LINGO2: variants seen among roughly 807,000 people sequenced by gnomAD.
LINGO2 encodes leucine rich repeat and Ig domain containing 2, also known as leucine-rich repeat and immunoglobulin-like domain-containing nogo receptor-interacting protein 2.
In LINGO2, 14 loss-of-function variants were observed where a neutral mutation model predicts 30.6. The ratio of observed to expected loss-of-function variants is 0.46; its 90% CI spans 0.30 to 0.72. LINGO2 has a LOEUF of 0.72. Among genes scored for constraint, LINGO2 ranks in the 30% least tolerant of loss-of-function variants. The pLI, the probability that LINGO2 is intolerant of heterozygous loss-of-function variation, is 0.07. For synonymous variants in LINGO2, 317 were observed against 288.5 expected, an observed-to-expected ratio of 1.10 and a Z score of -1.00; for missense variants, 729 against 751.7, an observed-to-expected ratio of 0.97 and a Z score of 0.35.
At chr9:29,038,688 A>AC in the LINGO2 span, among the ~76,000 whole-genome samples, 3 of 151,802 alleles carry the variant, frequency 2.0e-5, no homozygotes, top group East Asian at 5.8e-4. Flanking sequence ...AAAAAAAAAA[A>AC]AAACATGAAA....
At chr9:28,427,945 A>C (rs1436610373) in intron 2 of LINGO2, among the ~76,000 whole-genome samples, 1 of 152,170 alleles carries the variant, frequency 6.6e-6, no homozygotes, top group Non-Finnish European at 1.5e-5. Context: ...TGAAATCATC[A>C]AATTACATTC....
chr9:27,953,883 A>G (rs1219874375), intron 5 of LINGO2, among the ~76,000 whole-genome samples: 1 of 152,194 alleles, frequency 6.6e-6, no homozygotes, highest in African/African-American at 2.4e-5. Context: ...TATAAATATG[A>G]ATATACATAC....
At chr9:28,451,740 G>A (rs369762378) in intron 2 of LINGO2, among the ~76,000 whole-genome samples, 1 of 151,524 alleles carries the variant, frequency 6.6e-6, no homozygotes, top group Non-Finnish European at 1.5e-5. Context: ...GAATATTTTG[G>A]TGTTATATCT....
In LINGO2 at chr9:28,481,948, T is replaced by C. The variant is rs186950588; in HGVS notation, c.-364-5923A>G. Among the ~76,000 whole-genome samples, 1,445 of 152,276 alleles carry C rather than the reference T, an allele frequency of 9.5e-3. 23 individuals are homozygous for C. Among genetic ancestry groups the C allele is most frequent in the African/African-American group, 0.033 (1,358 of 41,540 alleles). ...TTCATCCATGTCCCTACAGAAGACATGAACTCATCATTTTTTATGGCTGCA... is the reference window on the plus strand; with the variant it reads ...TTCATCCATGTCCCTACAGAAGACACGAACTCATCATTTTTTATGGCTGCA... On this transcript the variant is annotated intron_variant, in intron 1 of 5. Transcript: ENST00000379992.
chr9:28,749,031 C>CA, the LINGO2 span, among the ~76,000 whole-genome samples: 1 of 151,816 alleles, frequency 6.6e-6, no homozygotes. Context: ...TAAAAATATG[C>CA]AAAAATAATA....
chr9:28,587,794 C>T (rs556725206), intron 1 of LINGO2, among the ~76,000 whole-genome samples: 36 of 152,070 alleles, frequency 2.4e-4, no homozygotes, highest in African/African-American at 8.2e-4. Flanking sequence ...GAGTTACATA[C>T]ACCACATGTG....
At chr9:28,747,032 T>C in the LINGO2 span, among the ~76,000 whole-genome samples, 1 of 151,874 alleles carries the variant, frequency 6.6e-6, no homozygotes, top group South Asian at 2.1e-4. Context: ...AGCCCCACCT[T>C]CAAGCCTGGA....
chr9:28,289,371 T>A lies in LINGO2; in HGVS notation c.-87+5837A>T, dbSNP rs188379546. ...AATCATATATTTGTACACAGAAAAG[T>A]GGAATGGACTGTCTCTGTACATCCT... On this transcript the variant is annotated intron_variant, in intron 4 of 5. Coordinates refer to ENST00000379992, the Ensembl canonical transcript of LINGO2. 2.7e-3 allele frequency among the ~76,000 whole-genome samples: 413 copies of A among 152,292 alleles called. 4 individuals carry two copies. The highest frequency in any genetic ancestry group is 4.3e-3 in the Admixed American group (65 of 15,294).
chr9:28,327,651 C>G (rs536894803), intron 3 of LINGO2, among the ~76,000 whole-genome samples: 4 of 152,286 alleles, frequency 2.6e-5, no homozygotes, highest in Admixed American at 2.6e-4. Flanking sequence ...AATAAGCACA[C>G]TTGTTTTTGT....
chr9:28,031,834 G>A (rs546412213), intron 4 of LINGO2, among the ~76,000 whole-genome samples: 3 of 152,300 alleles, frequency 2.0e-5, no homozygotes, highest in South Asian at 2.1e-4. Context: ...AGAGATATTA[G>A]TGATTCTATT....
chr9:28,089,832 A>T (rs547678154), intron 4 of LINGO2, among the ~76,000 whole-genome samples: 1 of 152,350 alleles, frequency 6.6e-6, no homozygotes, highest in East Asian at 1.9e-4. Context: ...ACTAATAAAA[A>T]GAAAAGAGAG....
the LINGO2 span, among the ~76,000 whole-genome samples, chr9:28,691,912 T>A: frequency 6.6e-6 from 1 of 152,056 alleles, no homozygotes; most frequent in Non-Finnish European, 1.5e-5. Context: ...TAACTCCATA[T>A]AACAATTAGT....
the LINGO2 span, among the ~76,000 whole-genome samples, chr9:28,897,643 C>T: frequency 6.6e-6 from 1 of 152,030 alleles, no homozygotes; most frequent in Non-Finnish European, 1.5e-5. Context: ...GTTATGCAAC[C>T]TTCTATGCCT....
At chr9:28,188,077 C>T (rs771552483) in intron 4 of LINGO2, among the ~76,000 whole-genome samples, 2 of 152,120 alleles carry the variant, frequency 1.3e-5, no homozygotes, top group African/African-American at 2.4e-5. Context: ...CTGCTATTTG[C>T]TCCGGACTCT....
chr9:28,543,844 T>C (rs561355781), intron 1 of LINGO2, among the ~76,000 whole-genome samples: 2 of 152,054 alleles, frequency 1.3e-5, no homozygotes, highest in Non-Finnish European at 2.9e-5. Flanking sequence ...CCTGATGACA[T>C]ACTTAAGTTT....
At chr9:28,382,904 T>G (rs549396637) in intron 2 of LINGO2, among the ~76,000 whole-genome samples, 5 of 152,156 alleles carry the variant, frequency 3.3e-5, no homozygotes, top group African/African-American at 4.8e-5. Context: ...CTAAATAAAT[T>G]TTATCATTTT....
At chr9:28,678,809 C>T in the LINGO2 span, among the ~76,000 whole-genome samples, 1 of 152,110 alleles carries the variant, frequency 6.6e-6, no homozygotes, top group African/African-American at 2.4e-5. Flanking sequence ...AGCTGGAGCT[C>T]TGGCTATATT....
the LINGO2 span, among the ~76,000 whole-genome samples, chr9:29,184,530 A>AAT: frequency 6.6e-6 from 1 of 152,216 alleles, no homozygotes; most frequent in Admixed American, 6.5e-5. Flanking sequence ...ACAATTTCAG[A>AAT]ATATATATGT....
chr9:28,924,820 T>A, the LINGO2 span, among the ~76,000 whole-genome samples: 1 of 152,234 alleles, frequency 6.6e-6, no homozygotes, highest in Admixed American at 6.5e-5. Flanking sequence ...TGTTATATCC[T>A]CTTGATGAAG....
Sources: gnomAD v4.1 joint callset for allele counts (sites outside exome capture counted in the v4.1 genomes callset) on GRCh38, gnomAD v4.1.1 for gene constraint, MANE v1.5 for transcripts, NCBI Gene and HGNC (gene_info 2026-07-23, HGNC 2026-07-21) for gene names.